Variants in RPTOR observed in about 807,000 individuals in gnomAD.
RPTOR encodes the protein regulatory associated protein of MTOR complex 1, also known as regulatory-associated protein of mTOR.
Under a neutral mutation model 169.9 loss-of-function variants are expected in RPTOR, and 21 were observed. The ratio of observed to expected loss-of-function variants is 0.12; its 90% CI spans 0.09 to 0.18. RPTOR has a LOEUF of 0.18. Among genes scored for constraint, RPTOR ranks in the 10% least tolerant of loss-of-function variants. RPTOR has a pLI of 1.00. For missense variants in RPTOR, 1,133 were observed against 1,855.9 expected (o/e 0.61, Z 7.16); for synonymous variants, 732 against 753.2 (o/e 0.97, Z 0.46).
rs112283078 is a variant in RPTOR, at chr17:80,922,488, C to T, written c.2521-236C>T. Reference sequence around the variant, plus strand: ...TCCTCCCCAGACATCCCGGCTCACACGGCCACGCCAGGGCTAGCCCAGTGG... The same window carrying T: ...TCCTCCCCAGACATCCCGGCTCACATGGCCACGCCAGGGCTAGCCCAGTGG... On this transcript the variant is annotated intron_variant, in intron 21 of 33. Coordinates refer to ENST00000306801, the MANE Select transcript of RPTOR (RefSeq NM_020761.3). Among the ~76,000 whole-genome samples the T allele has an allele frequency of 5.8e-3, 878 of 152,330 alleles. 5 individuals carry two copies. Among genetic ancestry groups the T allele is most frequent in the African/African-American group, 0.02 (827 of 41,568 alleles).
intron 21 of RPTOR, among the ~76,000 whole-genome samples, chr17:80,920,470 G>A (rs527981747): frequency 2.0e-5 from 3 of 152,222 alleles, no homozygotes; most frequent in Non-Finnish European, 2.9e-5. Flanking sequence ...TGTGAAAGCA[G>A]GATGGTCTCA....
chr17:80,775,008 G>T lies in RPTOR; in HGVS notation c.831-16442G>T, dbSNP rs148223080. Among the ~76,000 whole-genome samples the T allele has an allele frequency of 3.9e-3, 587 of 152,322 alleles. 5 individuals carry two copies. The highest frequency in any genetic ancestry group is 5.8e-3 in the Non-Finnish European group (397 of 68,028). On this transcript the variant is annotated intron_variant, in intron 6 of 33. Coordinates refer to ENST00000306801, the MANE Select transcript of RPTOR (RefSeq NM_020761.3). ...CTTCCTCCCTCGGGCTCCTGGGCCT[G>T]TGTCTGTCCGTCCTCCACTGTCTTG...
intron 9 of RPTOR, among the ~76,000 whole-genome samples, chr17:80,828,398 C>G (rs72856006): frequency 0.088 from 13,376 of 152,256 alleles, 785 homozygotes; most frequent in South Asian, 0.15. Context: ...GTTTTCCCTC[C>G]AGCTGGACAT....
At chr17:80,624,147 G>A (rs572820519) in intron 1 of RPTOR, among the ~76,000 whole-genome samples, 70 of 152,170 alleles carry the variant, frequency 4.6e-4, no homozygotes, top group Non-Finnish European at 6.9e-4. Context: ...AACTGTCATC[G>A]CTCCACTGAT....
chr17:80,685,076 C>G (rs1391450268), intron 3 of RPTOR, among the ~76,000 whole-genome samples: 1 of 116,904 alleles, frequency 8.6e-6, no homozygotes, highest in African/African-American at 4.8e-5. Context: ...TGTCAAATTC[C>G]CTTCCTACCT....
intron 3 of RPTOR, among the ~76,000 whole-genome samples, chr17:80,701,160 C>A (rs987769074): frequency 6.6e-5 from 10 of 152,254 alleles, no homozygotes; most frequent in African/African-American, 2.4e-4. Flanking sequence ...CAATTCCTCT[C>A]TGCTGAAAGG....
chr17:80,911,591 C>T (rs950483209), intron 21 of RPTOR, among the ~76,000 whole-genome samples: 7 of 152,028 alleles, frequency 4.6e-5, no homozygotes, highest in Non-Finnish European at 8.8e-5. Flanking sequence ...TTGAGACCAG[C>T]CTGGGAAACA....
intron 10 of RPTOR, among the ~76,000 whole-genome samples, chr17:80,840,669 A>C: frequency 1.6e-5 from 1 of 60,608 alleles, no homozygotes; most frequent in Non-Finnish European, 3.9e-5. Flanking sequence ...ACCACAGCTC[A>C]CTCTCACCAC....
rs562410292 is a variant in RPTOR at position 80,911,536 on chromosome 17, C to G, written c.2520+2607C>G. Among the ~76,000 whole-genome samples the G allele has an allele frequency of 3.9e-5, 6 of 152,320 alleles. No individual in the cohort carries two copies. In the East Asian group the frequency reaches 1.2e-3, roughly 29 times the overall value. On this transcript the variant is annotated intron_variant, in intron 21 of 33. Coordinates refer to ENST00000306801, the MANE Select transcript of RPTOR (RefSeq NM_020761.3). ...GTGGCTCACACCTGTAATCCCAGCA[C>G]TTTGGGAGGCCAAGGCGAGAGACGA...
rs2066151790 is a variant in RPTOR at position 80,707,649 on chromosome 17, C to T, written c.349-192C>T. Reference sequence around the variant, plus strand: ...TCAACCAGTTCTCCCACCTTGGCCTCCTAAGCTGCTGGGATTTTCGGCATG... The same window carrying T: ...TCAACCAGTTCTCCCACCTTGGCCTTCTAAGCTGCTGGGATTTTCGGCATG... On this transcript the variant is annotated intron_variant, in intron 3 of 33. Coordinates refer to ENST00000306801, the MANE Select transcript of RPTOR (RefSeq NM_020761.3). This position sits in a 1 kb window ranked among gnomAD's most constrained non-coding sequence, Gnocchi z 5.0. Among the ~76,000 whole-genome samples, 1 of 152,068 alleles carries T rather than the reference C, an allele frequency of 6.6e-6. No individual in the cohort carries two copies. The highest frequency in any genetic ancestry group is 1.5e-5 in the Non-Finnish European group (1 of 68,032).
chr17:80,658,054 A>T (rs1344770866), intron 3 of RPTOR, among the ~76,000 whole-genome samples: 1 of 152,228 alleles, frequency 6.6e-6, no homozygotes, highest in African/African-American at 2.4e-5. Context: ...ACTTGGCCAG[A>T]CAGTGCAAGA....
At position 80,820,357 on chromosome 17, in the gene RPTOR, G is replaced by T. The variant is rs1374589986; in HGVS notation, c.891-1844G>T. ...GGTGTGGGACCCAAGACACAAGTGT[G>T]TTGGGGCTCCATGTCCACCCCACGA... On this transcript the variant is annotated intron_variant, in intron 7 of 33. Coordinates refer to ENST00000306801, the MANE Select transcript of RPTOR (RefSeq NM_020761.3). This position sits in a 1 kb window ranked among gnomAD's most constrained non-coding sequence, Gnocchi z 4.1. Among the ~76,000 whole-genome samples the T allele has an allele frequency of 6.6e-6, 1 of 152,198 alleles. No individual in the cohort carries two copies. Among genetic ancestry groups the T allele is most frequent in the Non-Finnish European group, 1.5e-5 (1 of 68,040 alleles).
chr17:80,685,627 A>ATATT (rs1269766086), intron 3 of RPTOR, among the ~76,000 whole-genome samples: 20 of 30,680 alleles, frequency 6.5e-4, no homozygotes, highest in African/African-American at 1.5e-3. Flanking sequence ...ATATATATAT[A>ATATT]TTTTTTTTTT....
chr17:80,956,868 C>T (rs2069257285), intron 28 of RPTOR, among the ~76,000 whole-genome samples: 1 of 151,984 alleles, frequency 6.6e-6, no homozygotes, highest in African/African-American at 2.4e-5. Context: ...CTCCGATGTT[C>T]CTGGAAGGCT....
chr17:80,853,570 C>G (rs9894927), intron 11 of RPTOR, among the ~76,000 whole-genome samples: 3,171 of 152,278 alleles, frequency 0.021, 101 homozygotes, highest in African/African-American at 0.073. Context: ...ATAAACACCC[C>G]TTGGATGACT....
chr17:80,850,260 T>C (rs1259915822), intron 11 of RPTOR, among the ~76,000 whole-genome samples: 1 of 152,220 alleles, frequency 6.6e-6, no homozygotes, highest in Non-Finnish European at 1.5e-5. Flanking sequence ...TGTGTGTCCC[T>C]GTGGACCCGT....
chr17:80,950,030 C>T (rs1006603519), intron 28 of RPTOR, among the ~76,000 whole-genome samples: 2 of 152,222 alleles, frequency 1.3e-5, no homozygotes, highest in African/African-American at 4.8e-5. Flanking sequence ...GCTCTGGGTA[C>T]AGTTCTGCGT....
chr17:80,719,068 ATT>A (rs2066262904), intron 4 of RPTOR, among the ~76,000 whole-genome samples: 1 of 152,116 alleles, frequency 6.6e-6, no homozygotes, highest in South Asian at 2.1e-4. Flanking sequence ...GCTTGTGGGC[ATT>A]TGTTCTCAGG....
At chr17:80,731,112 C>G (rs924825874) in intron 5 of RPTOR, among the ~76,000 whole-genome samples, 1 of 152,128 alleles carries the variant, frequency 6.6e-6, no homozygotes, top group Non-Finnish European at 1.5e-5. Context: ...CTCCTGGGCT[C>G]AAGCAACGCG....
Sources: allele counts gnomAD v4.1 joint callset (sites outside exome capture counted in the v4.1 genomes callset), GRCh38; gene constraint gnomAD v4.1.1; non-coding constraint Gnocchi (gnomAD v3.1); transcripts MANE v1.5; gene names NCBI Gene and HGNC (gene_info 2026-07-23, HGNC 2026-07-21).